Variants in TMX3 observed in about 807,000 individuals in gnomAD.
TMX3 encodes protein disulfide-isomerase TMX3.
A neutral mutation model predicts 64.4 loss-of-function variants in TMX3; 40 were observed. The observed-to-expected ratio is 0.62, with a 90% CI of 0.48 to 0.81. TMX3 has a LOEUF of 0.81. Ranked by LOEUF, TMX3 falls within the 30% of genes least tolerant of loss-of-function variation. The pLI is 0.00. For synonymous variants in TMX3, 189 were observed against 175.7 expected, an observed-to-expected ratio of 1.08 and a Z score of -0.60; for missense variants, 497 against 534.5, an observed-to-expected ratio of 0.93 and a Z score of 0.69.
rs773752185 is a variant in TMX3 at position 68,714,425 on chromosome 18, C to T, written c.46+511G>A. On this transcript the variant is annotated intron_variant, in intron 1 of 15. Transcript: ENST00000299608. ...GAGCGGACCCCAGTGAGAATGAGGG[C>T]ACTCCATGCTGACGGGAGGCAGCTG... is the stretch of plus-strand genomic sequence containing the variant. 4.4e-5 allele frequency: 7 copies of T among 160,680 alleles called. No individual in the cohort carries two copies. The South Asian group carries it at 1.0e-3, about 24-fold the overall frequency. 10.0% of individuals were successfully genotyped at this position (160,680 alleles called of 1,614,324 possible).
intron 15 of TMX3, among the ~76,000 whole-genome samples, chr18:68,678,074 A>G (rs994708621): frequency 6.6e-6 from 1 of 152,114 alleles, no homozygotes; most frequent in Non-Finnish European, 1.5e-5. Flanking sequence ...GGAATATAAT[A>G]TAGATTGGAG....
At chr18:68,686,022 A>G (rs1268351376) in intron 10 of TMX3, among the ~76,000 whole-genome samples, 2 of 152,194 alleles carry the variant, frequency 1.3e-5, no homozygotes, top group Non-Finnish European at 2.9e-5. Context: ...AGAAACTAAA[A>G]GGTTAGTGTG....
intron 4 of TMX3, among the ~76,000 whole-genome samples, chr18:68,709,593 T>C (rs2031054724): frequency 1.3e-5 from 2 of 152,146 alleles, no homozygotes; most frequent in Admixed American, 1.3e-4. Context: ...TTTGCTCTAG[T>C]ATTCTTTCTA....
chr18:68,713,007 A>G, intron 2 of TMX3, among the ~76,000 whole-genome samples: 1 of 150,502 alleles, frequency 6.6e-6, no homozygotes, highest in South Asian at 2.1e-4. Flanking sequence ...GAGGTTTAAA[A>G]AAAAAAAAAA....
In TMX3 at chr18:68,698,021, G is replaced by A. The variant is rs1483772095; in HGVS notation, c.403C>T (p.Arg135Trp). 3.7e-6 allele frequency: 6 copies of A among 1,609,682 alleles called. No individual in the cohort carries two copies. Among genetic ancestry groups the A allele is most frequent in the African/African-American group, 1.3e-5 (1 of 74,966 alleles). ...AACATTTGTTGACTTGGAAGTGGCC[G>A]AATTAGAGCCCTGTTGCACAACAAA... ...FAHRVSGALIRPLPSQQMFEH... is the reference protein window; with the variant it reads ...FAHRVSGALIWPLPSQQMFEH... The change falls in exon 7 of 16, where the codon CGG (arginine) becomes TGG (tryptophan). Residue 135 changes from arginine (R) to tryptophan (W), a missense_variant. This residue lies in a region of TMX3 where 360 missense variants were observed against 383.5 expected (regional missense o/e 0.94). Coordinates refer to ENST00000299608, the MANE Select transcript of TMX3 (RefSeq NM_019022.5).
intron 6 of TMX3, among the ~76,000 whole-genome samples, chr18:68,698,588 T>C (rs142209985): frequency 0.011 from 1,722 of 152,214 alleles, 11 homozygotes; most frequent in African/African-American, 0.018. Flanking sequence ...TAGAAAATGA[T>C]AGTCATAGCA....
At chr18:68,714,801 A>T in intron 1 of TMX3, 135 bp downstream of exon 1, 2 of 1,232,200 alleles carry the variant, frequency 1.6e-6, no homozygotes, top group Non-Finnish European at 2.2e-6. Context: ...CGGGGGCGGC[A>T]GGACGCTGCC....
intron 7 of TMX3, chr18:68,697,637 T>G (rs961441741): frequency 1.5e-4 from 59 of 382,532 alleles, no homozygotes; most frequent in South Asian, 3.1e-4. Flanking sequence ...AAGTCTGCAG[T>G]CTCAAAGACT....
At chr18:68,697,461 A>G (rs1038146816) in intron 7 of TMX3, 158 bp from the exon 8 acceptor site, 2 of 426,960 alleles carry the variant, frequency 4.7e-6, no homozygotes, top group African/African-American at 4.1e-5. Context: ...TAAGCAAATA[A>G]AATTGTTTCC....
chr18:68,691,214 TAC>T (rs1233267975), intron 9 of TMX3, 79 bp downstream of exon 9: 3 of 972,138 alleles, frequency 3.1e-6, no homozygotes, highest in Non-Finnish European at 3.0e-6. Context: ...TAGAAGCATT[TAC>T]ATAATCTTTA....
intron 1 of TMX3, 148 bp downstream of exon 1, chr18:68,714,788 C>G: frequency 8.8e-7 from 1 of 1,132,262 alleles, no homozygotes; most frequent in Non-Finnish European, 1.2e-6. Flanking sequence ...CAGGGTGGCG[C>G]GGCGGGGGCG....
At chr18:68,709,859 C>T (rs2031087478) in intron 4 of TMX3, among the ~76,000 whole-genome samples, 162 bp downstream of exon 4, 1 of 133,794 alleles carries the variant, frequency 7.5e-6, no homozygotes, top group African/African-American at 3.9e-5. Context: ...GCTACATGTT[C>T]AATGGCTAAT....
chr18:68,679,374 A>C (rs889123285), intron 15 of TMX3, 89 bp downstream of exon 15: 16 of 1,036,256 alleles, frequency 1.5e-5, no homozygotes, highest in African/African-American at 6.6e-5. Context: ...ATTTTGACCT[A>C]ATCTTTTCAA....
intron 15 of TMX3, among the ~76,000 whole-genome samples, chr18:68,678,602 T>C (rs1913145231): frequency 6.6e-6 from 1 of 152,036 alleles, no homozygotes; most frequent in Admixed American, 6.6e-5. Flanking sequence ...ACAGATCTAA[T>C]TAGTTTGACA....
intron 15 of TMX3, among the ~76,000 whole-genome samples, chr18:68,677,983 T>C (rs1158920471): frequency 1.3e-5 from 2 of 152,106 alleles, no homozygotes; most frequent in East Asian, 3.9e-4. Flanking sequence ...ATACTTTAGA[T>C]GGACAGAGTA....
At chr18:68,712,531 T>C (rs1467981933) in intron 2 of TMX3, among the ~76,000 whole-genome samples, 1 of 152,114 alleles carries the variant, frequency 6.6e-6, no homozygotes, top group Non-Finnish European at 1.5e-5. Flanking sequence ...CACATTTAGC[T>C]GACGAACAGT....
chr18:68,684,758 AT>A (rs920493315), intron 10 of TMX3, among the ~76,000 whole-genome samples: 3 of 152,132 alleles, frequency 2.0e-5, no homozygotes, highest in Non-Finnish European at 2.9e-5. Context: ...CTTAAATAGT[AT>A]TTTTTATACC....
chr18:68,681,265 A>T (rs544014313), intron 13 of TMX3, 155 bp from the exon 14 acceptor site: 4 of 678,236 alleles, frequency 5.9e-6, no homozygotes, highest in Non-Finnish European at 8.4e-6. Flanking sequence ...CCTAGTATTT[A>T]CGTGTATTTT....
intron 13 of TMX3, chr18:68,681,575 A>G (rs984497371): frequency 7.6e-5 from 75 of 985,154 alleles, no homozygotes; most frequent in Middle Eastern, 1.0e-3. Flanking sequence ...AAATGAAGTA[A>G]GGTGATGCTA....
Sources: gnomAD v4.1 joint callset for allele counts (sites outside exome capture counted in the v4.1 genomes callset) on GRCh38, gnomAD v4.1.1 for gene constraint, gnomAD v4.1.1 regional missense constraint, MANE v1.5 for transcripts, NCBI Gene and HGNC (gene_info 2026-07-23, HGNC 2026-07-21) for gene names.